The following WASL variants were observed in gnomAD, a reference collection of about 807,000 sequenced individuals.
WASL encodes the protein WASP like actin nucleation promoting factor.
In WASL, 20 loss-of-function variants were observed where a neutral mutation model predicts 55.5. The ratio of observed to expected loss-of-function variants is 0.36; its 90% CI spans 0.25 to 0.52. The LOEUF is 0.52. Ranked by LOEUF, WASL falls within the 20% of genes least tolerant of loss-of-function variation. The probability of loss-of-function intolerance (pLI) is 0.92; values close to 1 mark genes in which losing one functional copy is unlikely to be tolerated. For synonymous variants in WASL, 249 were observed against 217.6 expected (o/e 1.14, Z -1.27); for missense variants, 504 against 622.5 (o/e 0.81, Z 2.03).
chr7:123,711,332 A>C (rs1351176836), intron 1 of WASL, among the ~76,000 whole-genome samples: 4 of 152,210 alleles, frequency 2.6e-5, no homozygotes, highest in Non-Finnish European at 5.9e-5. Flanking sequence ...AGATAAACTT[A>C]AATTCTTAAA....
At chr7:123,711,289 A>AC (rs1803751849) in intron 1 of WASL, among the ~76,000 whole-genome samples, 1 of 152,174 alleles carries the variant, frequency 6.6e-6, no homozygotes, top group Non-Finnish European at 1.5e-5. Context: ...ACAAAACAAA[A>AC]AAAAACCCAA....
rs926842376 is a variant in WASL at position 123,729,212 on chromosome 7, T to C, written c.117+19406A>G. 1.1e-4 allele frequency among the ~76,000 whole-genome samples: 17 copies of C among 152,348 alleles called. No individual in the cohort carries two copies. In the South Asian group the frequency reaches 3.5e-3, roughly 32 times the overall value. ...ATTTTATATACTGAATATATTAAAA[T>C]TCTACCATTTCAACATGTAATCAAT... is the stretch of plus-strand genomic sequence containing the variant. On this transcript the variant is annotated intron_variant, in intron 1 of 10. Coordinates refer to ENST00000223023, the MANE Select transcript of WASL (RefSeq NM_003941.4).
intron 1 of WASL, among the ~76,000 whole-genome samples, chr7:123,734,518 C>T (rs1804193873): frequency 6.8e-6 from 1 of 146,672 alleles, no homozygotes; most frequent in Non-Finnish European, 1.5e-5. Context: ...AACAGGGAGC[C>T]AGTCTATAAA....
chr7:123,683,773 TTCAAAAA>T lies in WASL; in HGVS notation c.*739_*745del, dbSNP rs1803240472. Reference sequence around the variant, plus strand: ...GTTTCAGAGTAATACCAAAAAAATTTTCAAAAATTTTGCTAAAAAGAGCCTGTCACAT... The same window carrying T: ...GTTTCAGAGTAATACCAAAAAAATTTTTTTGCTAAAAAGAGCCTGTCACAT... On this transcript the variant is annotated 3_prime_UTR_variant, in exon 11 of 11. Transcript: ENST00000223023. 1 of 151,948 alleles carries T rather than the reference TTCAAAAA, an allele frequency of 6.6e-6. No individual in the cohort carries two copies. The highest frequency in any genetic ancestry group is 1.9e-4 in the East Asian group (1 of 5,190). 9.4% of individuals were successfully genotyped at this position (151,948 alleles called of 1,614,324 possible).
Position 123,748,966 on chromosome 7 carries a change from G to A in WASL, c.-232C>T, listed in dbSNP as rs909819507. On this transcript the variant is annotated 5_prime_UTR_variant, in exon 1 of 11. Coordinates refer to ENST00000223023, the MANE Select transcript of WASL (RefSeq NM_003941.4). ...TCCCGGCACCCGCCCGGCCAGGCTA[G>A]GGCCGGATGGTCGTTGTCCTCGCAC... 5.5e-6 allele frequency: 3 copies of A among 549,924 alleles called. No individual in the cohort carries two copies. The highest frequency in any genetic ancestry group is 9.6e-6 in the Non-Finnish European group (3 of 312,430). 34.1% of individuals were successfully genotyped at this position (549,924 alleles called of 1,614,324 possible).
chr7:123,708,356 C>T (rs368561556), intron 2 of WASL, among the ~76,000 whole-genome samples: 17 of 152,204 alleles, frequency 1.1e-4, no homozygotes, highest in African/African-American at 3.6e-4. Flanking sequence ...GTCATATTAG[C>T]GCCCAAGAGT....
intron 1 of WASL, among the ~76,000 whole-genome samples, chr7:123,731,489 C>G (rs1804135530): frequency 6.6e-6 from 1 of 152,076 alleles, no homozygotes; most frequent in African/African-American, 2.4e-5. Context: ...CAGCATCTAA[C>G]AACAGTACAA....
intron 3 of WASL, 118 bp from the exon 4 acceptor site, chr7:123,706,491 A>C: frequency 1.1e-6 from 1 of 945,918 alleles, no homozygotes; most frequent in South Asian, 1.7e-5. Flanking sequence ...TTTTACTAGC[A>C]GATAAGACAT....
chr7:123,726,427 G>T (rs1276362715), intron 1 of WASL, among the ~76,000 whole-genome samples: 1 of 152,080 alleles, frequency 6.6e-6, no homozygotes, highest in African/African-American at 2.4e-5. Flanking sequence ...GCTCCTAGAA[G>T]CAGCAGAAGA....
At chr7:123,725,436 AACACATGTAATTTT>A (rs1280563882) in intron 1 of WASL, among the ~76,000 whole-genome samples, 1 of 152,214 alleles carries the variant, frequency 6.6e-6, no homozygotes, top group African/African-American at 2.4e-5. Flanking sequence ...TAAAAATTAA[AACACATGTAATTTT>A]ACACAGAATT....
intron 2 of WASL, among the ~76,000 whole-genome samples, chr7:123,707,124 A>G (rs1451918731): frequency 6.6e-6 from 1 of 152,128 alleles, no homozygotes; most frequent in East Asian, 1.9e-4. Flanking sequence ...TCAAATACAT[A>G]ATAACCAGAA....
chr7:123,686,791 T>G (rs768053740), intron 10 of WASL, among the ~76,000 whole-genome samples: 3 of 152,144 alleles, frequency 2.0e-5, no homozygotes, highest in Non-Finnish European at 4.4e-5. Flanking sequence ...CATAAAAAAT[T>G]CAGGCAGTTT....
intron 1 of WASL, among the ~76,000 whole-genome samples, chr7:123,735,758 A>AAGG (rs1216501041): frequency 3.9e-5 from 6 of 152,190 alleles, no homozygotes; most frequent in Admixed American, 2.0e-4. Flanking sequence ...AGGAAAAAGC[A>AAGG]AGGAGGAGGA....
chr7:123,693,436 A>G (rs1045415524), intron 8 of WASL, among the ~76,000 whole-genome samples: 1 of 152,218 alleles, frequency 6.6e-6, no homozygotes, highest in African/African-American at 2.4e-5. Flanking sequence ...CTTTTATAGC[A>G]TAATGTCTGT....
chr7:123,704,619 T>G lies in WASL; in HGVS notation c.460+15A>C. ...TCTAAAATCTTAAAAGATTAATAAT[T>G]GTCAAAAAGCTTACCATTTGGGGGA... On this transcript the variant is annotated intron_variant, in intron 5 of 10. Transcript: ENST00000223023. 6.6e-7 allele frequency: 1 copy of G among 1,512,120 alleles called. No individual in the cohort carries two copies. Among genetic ancestry groups the G allele is most frequent in the Non-Finnish European group, 9.0e-7 (1 of 1,105,694 alleles). 93.7% of individuals were successfully genotyped at this position (1,512,120 alleles called of 1,614,324 possible).
chr7:123,725,929 T>C (rs1279228176), intron 1 of WASL, among the ~76,000 whole-genome samples: 1 of 152,194 alleles, frequency 6.6e-6, no homozygotes, highest in Non-Finnish European at 1.5e-5. Context: ...ACAGTTAATT[T>C]TGGTCACAAG....
At chr7:123,704,243 T>C (rs547977810) in intron 5 of WASL, among the ~76,000 whole-genome samples, 6 of 152,178 alleles carry the variant, frequency 3.9e-5, no homozygotes, top group Non-Finnish European at 7.4e-5. Context: ...AATCTTAAAG[T>C]AGGACATTAA....
At chr7:123,696,852 T>C (rs928545997) in intron 5 of WASL, 105 bp from the exon 6 acceptor site, 8 of 774,782 alleles carry the variant, frequency 1.0e-5, no homozygotes, top group Non-Finnish European at 1.2e-5. Context: ...ATCACTTCAT[T>C]ATAAATTATT....
intron 1 of WASL, among the ~76,000 whole-genome samples, chr7:123,735,058 A>G (rs1804203123): frequency 6.6e-6 from 1 of 151,878 alleles, no homozygotes; most frequent in Non-Finnish European, 1.5e-5. Flanking sequence ...AACCAAGAAT[A>G]ATAAGACAGC....
Sources: gnomAD v4.1 joint callset for allele counts (sites outside exome capture counted in the v4.1 genomes callset) on GRCh38, gnomAD v4.1.1 for gene constraint, MANE v1.5 for transcripts, NCBI Gene and HGNC (gene_info 2026-07-23, HGNC 2026-07-21) for gene names.